ADGRE3: variants seen among roughly 807,000 people sequenced by gnomAD.
ADGRE3 encodes the protein EGF-like module receptor 3.
A neutral mutation model predicts 80.1 loss-of-function variants in ADGRE3; 88 were observed. The observed-to-expected ratio is 1.10, with a 90% CI of 0.93 to 1.31. The LOEUF (loss-of-function observed/expected upper bound fraction) is 1.31. Ranked by LOEUF, ADGRE3 falls within the 40% of genes most tolerant of loss-of-function variation. The pLI, the probability that ADGRE3 is intolerant of heterozygous loss-of-function variation, is 0.00. For missense variants in ADGRE3, 715 were observed against 776.5 expected, an observed-to-expected ratio of 0.92 and a Z score of 0.94; for synonymous variants, 281 against 294.8, an observed-to-expected ratio of 0.95 and a Z score of 0.48.
chr19:14,664,677 G>T (rs894871927), intron 2 of ADGRE3, among the ~76,000 whole-genome samples: 4 of 152,094 alleles, frequency 2.6e-5, no homozygotes, highest in Non-Finnish European at 4.4e-5. Flanking sequence ...TCATTACACT[G>T]CAGCCTCGGC....
chr19:14,661,709 T>C (rs1971947773), intron 4 of ADGRE3, among the ~76,000 whole-genome samples: 1 of 152,098 alleles, frequency 6.6e-6, no homozygotes, highest in East Asian at 1.9e-4. Flanking sequence ...CTGTAAAAAG[T>C]CCCAGCACTT....
intron 9 of ADGRE3, among the ~76,000 whole-genome samples, chr19:14,643,687 T>C (rs907771118): frequency 1.3e-5 from 2 of 152,018 alleles, no homozygotes; most frequent in African/African-American, 4.8e-5. Flanking sequence ...CTCCTGGACT[T>C]CTTACCTTGC....
rs61729084 is a variant in ADGRE3, at chr19:14,662,066, C to T, written c.252G>A (p.Val84=). 65,244 of 1,613,920 alleles carry T rather than the reference C, an allele frequency of 0.04. 1,540 individuals carry two copies. The highest frequency in any genetic ancestry group is 0.093 in the East Asian group (4,155 of 44,874). The change falls in exon 4 of 16, where the codon GTG becomes GTA. Residue 84 remains valine (V), a synonymous_variant. Transcript: ENST00000253673. ...AGAAACTTCCTTCGACATTGTAACA[C>T]ACAGCGTTAAATCCACAATATACAC... The part of the protein sequence containing the change: ...PYSVYCGFNA[V]CYNVEGSFYC...
the ADGRE3 span, chr19:14,610,521 G>T: frequency 3.9e-6 from 1 of 259,664 alleles, no homozygotes; most frequent in Non-Finnish European, 7.6e-6. Flanking sequence ...GAGGACCCTG[G>T]GGCTGGTGTT....
intron 5 of ADGRE3, among the ~76,000 whole-genome samples, chr19:14,656,939 A>G (rs1971783535): frequency 6.6e-6 from 1 of 152,142 alleles, no homozygotes; most frequent in Non-Finnish European, 1.5e-5. Context: ...TCTGTTGCCC[A>G]GGCTGGAGTG....
At chr19:14,637,782 G>C (rs527336005) in intron 11 of ADGRE3, among the ~76,000 whole-genome samples, 1 of 151,842 alleles carries the variant, frequency 6.6e-6, no homozygotes, top group Non-Finnish European at 1.5e-5. Context: ...TCCCACGTTG[G>C]CCTCCCAAAT....
Position 14,621,646 on chromosome 19 carries a change from C to T in ADGRE3, c.1921-2175G>A. The T allele has an allele frequency of 2.0e-6, 2 of 993,806 alleles. 1 individual carries two copies. The highest frequency in any genetic ancestry group is 2.8e-6 in the Non-Finnish European group (2 of 706,976). The allele number at this position is 993,806 out of a possible 1,614,324, so 61.6% of individuals were successfully genotyped here. A position where few individuals can be genotyped will look rare whatever the true frequency, so the allele number is the denominator to read the frequency against. ...CGGGCAGTACTCATTTTCCCTCATA[C>T]TTCGGATTGACCACAGTTGTTACGG... On this transcript the variant is annotated intron_variant, in intron 15 of 15. Coordinates refer to ENST00000253673, the MANE Select transcript of ADGRE3 (RefSeq NM_032571.5).
chr19:14,656,472 C>T (rs1971768099), intron 5 of ADGRE3, among the ~76,000 whole-genome samples: 1 of 151,694 alleles, frequency 6.6e-6, no homozygotes, highest in Non-Finnish European at 1.5e-5. Context: ...ATTTTATATT[C>T]AGGCACTAGA....
chr19:14,625,593 T>C lies in ADGRE3; in HGVS notation c.1819A>G (p.Lys607Glu). 1 of 1,607,206 alleles carries C rather than the reference T, an allele frequency of 6.2e-7. No homozygotes were observed. Among genetic ancestry groups the C allele is most frequent in the Non-Finnish European group, 8.5e-7 (1 of 1,173,926 alleles). Reference protein sequence around the residue: ...VYCLLSQQVQKQYQKWFREIV... With the variant: ...VYCLLSQQVQEQYQKWFREIV... ...TCTCTAAACCACTTTTGATATTGTT[T>C]CTGGACCTGGAACATCAAAGGAAAT... The change falls in exon 15 of 16, where the codon AAA becomes GAA. Residue 607 changes from lysine (K) to glutamate (E), a missense_variant. Lys to Glu is a moderately conservative substitution (Grantham distance 56, BLOSUM62 1). Transcript: ENST00000253673.
chr19:14,674,179 A>G (rs1972328130), intron 1 of ADGRE3, among the ~76,000 whole-genome samples: 1 of 152,192 alleles, frequency 6.6e-6, no homozygotes. Flanking sequence ...ATTAGAAAAC[A>G]AAACTTGCCA....
chr19:14,636,003 CTCTTTCTT>C lies in ADGRE3; in HGVS notation c.1484+2094_1484+2101del, dbSNP rs769785334. On this transcript the variant is annotated intron_variant, in intron 11 of 15. Coordinates refer to ENST00000253673, the MANE Select transcript of ADGRE3 (RefSeq NM_032571.5). ...ATAAAGCTCTCCTTTCTCTCTCTTT[CTCTTTCTT>C]TCTTCCTTCCTTCCTTCCTTCCTTC... Among the ~76,000 whole-genome samples the C allele has an allele frequency of 5.8e-3, 365 of 63,232 alleles. 18 individuals carry two copies. The highest frequency in any genetic ancestry group is 0.014 in the African/African-American group (248 of 17,798). The allele number at this position is 63,232 out of a possible 152,430, so 41.5% of individuals were successfully genotyped here.
the ADGRE3 span, among the ~76,000 whole-genome samples, chr19:14,603,264 A>G: frequency 1.3e-5 from 2 of 152,172 alleles, no homozygotes; most frequent in Non-Finnish European, 2.9e-5. Flanking sequence ...TCAAGGTGGA[A>G]GGGAGCACAC....
chr19:14,641,633 A>C lies in ADGRE3; in HGVS notation c.1051-17T>G, dbSNP rs1451002788. The C allele has an allele frequency of 6.2e-7, 1 of 1,613,360 alleles. No homozygotes were observed. Among genetic ancestry groups the C allele is most frequent in the Admixed American group, 1.7e-5 (1 of 59,838 alleles). ...ATCCTCCTCCTGGGACCGAGAAAAA[A>C]AGTTCACAGTGATGCTTTCCTGCAC... is the stretch of plus-strand genomic sequence containing the variant. On this transcript the variant is annotated splice_polypyrimidine_tract_variant and intron_variant, in intron 9 of 15. Coordinates refer to ENST00000253673, the MANE Select transcript of ADGRE3 (RefSeq NM_032571.5).
chr19:14,630,277 C>A (rs1953313142), intron 13 of ADGRE3, 70 bp from the exon 14 acceptor site: 2 of 1,301,542 alleles, frequency 1.5e-6, no homozygotes, highest in East Asian at 2.4e-5. Context: ...CTCTAGTTAG[C>A]TGTTAATAGT....
chr19:14,612,196 C>A, the ADGRE3 span, among the ~76,000 whole-genome samples: 38 of 152,246 alleles, frequency 2.5e-4, no homozygotes, highest in African/African-American at 8.2e-4. Flanking sequence ...TCTCACAGTT[C>A]CGGAGGCTGG....
rs565120824 is a variant in ADGRE3, at chr19:14,644,519, C to T, written c.883-244G>A. ...TATTTTTTGTAGAGACAGGGTCAAC[C>T]GTGCTGCCCAGGCTGGTCTCGAACT... On this transcript the variant is annotated intron_variant, in intron 8 of 15. Coordinates refer to ENST00000253673, the MANE Select transcript of ADGRE3 (RefSeq NM_032571.5). Among the ~76,000 whole-genome samples the T allele has an allele frequency of 1.2e-4, 19 of 152,144 alleles. No individual in the cohort carries two copies. The South Asian group carries it at 3.5e-3, about 28-fold the overall frequency.
chr19:14,617,379 T>TTTCTTTCTTTC (rs2075087522), downstream of ADGRE3, among the ~76,000 whole-genome samples: 1 of 120,752 alleles, frequency 8.3e-6, no homozygotes, highest in Admixed American at 8.7e-5. Flanking sequence ...TCTTTCTTCC[T>TTTCTTTCTTTC]TTCTTTCTTT....
In ADGRE3 at chr19:14,647,381, G is replaced by C; in HGVS notation, c.698-16C>G. ...GCACTGGGACCTGAGGAAACAGAAA[G>C]ATGGAATCTTTTTTCTTTTCTTTTC... On this transcript the variant is annotated splice_polypyrimidine_tract_variant and intron_variant, in intron 7 of 15. Transcript: ENST00000253673. The C allele has an allele frequency of 6.9e-7, 1 of 1,455,616 alleles. No individual in the cohort carries two copies. The highest frequency in any genetic ancestry group is 9.4e-7 in the Non-Finnish European group (1 of 1,065,480). The allele number at this position is 1,455,616 out of a possible 1,614,324, so 90.2% of individuals were successfully genotyped here.
chr19:14,607,148 C>A, the ADGRE3 span: 1 of 933,438 alleles, frequency 1.1e-6, no homozygotes, highest in Non-Finnish European at 1.4e-6. Flanking sequence ...CTCTGTGGGC[C>A]CTGACCATGG....
Sources: allele counts gnomAD v4.1 joint callset (sites outside exome capture counted in the v4.1 genomes callset), GRCh38; gene constraint gnomAD v4.1.1; transcripts MANE v1.5; gene names NCBI Gene and HGNC (gene_info 2026-07-23, HGNC 2026-07-21).